Variants in CAPN9 observed in about 807,000 individuals in gnomAD.
CAPN9 encodes calpain 9.
Under a neutral mutation model 92.8 loss-of-function variants are expected in CAPN9, and 81 were observed. The observed-to-expected ratio is 0.87, with a 90% CI of 0.73 to 1.05. The LOEUF (loss-of-function observed/expected upper bound fraction) is 1.05, where lower values mean the gene tolerates loss of function less well. Among genes scored for constraint, CAPN9 ranks in the 50% least tolerant of loss-of-function variants. The pLI, the probability that CAPN9 is intolerant of heterozygous loss-of-function variation, is 0.00. For synonymous variants in CAPN9, 304 were observed against 328.0 expected (o/e 0.93, Z 0.79); for missense variants, 848 against 866.2 (o/e 0.98, Z 0.26).
rs372061598 is a variant in CAPN9, at chr1:230,755,349, A to C, written c.226A>C (p.Asn76His). The change falls in exon 2 of 20, where the codon AAC (asparagine) becomes CAC (histidine). Residue 76 changes from asparagine to histidine, a missense_variant. Coordinates refer to ENST00000271971, the MANE Select transcript of CAPN9 (RefSeq NM_006615.3). ...VWKRPGEIVK[N>H]PEFILGGATR... Reference sequence around the variant, plus strand: ...CTCATTCCTCCAGGAAATCGTGAAAAACCCAGAATTCATTCTTGGAGGGGC... The same window carrying C: ...CTCATTCCTCCAGGAAATCGTGAAACACCCAGAATTCATTCTTGGAGGGGC... 9 of 1,609,986 alleles carry C rather than the reference A, an allele frequency of 5.6e-6. No homozygotes were observed. The highest frequency in any genetic ancestry group is 7.6e-6 in the Non-Finnish European group (9 of 1,178,200).
intron 19 of CAPN9, among the ~76,000 whole-genome samples, chr1:230,800,288 AAGAAAGAAAGAAAG>A (rs1393249434): frequency 1.6e-5 from 2 of 121,918 alleles, no homozygotes; most frequent in African/African-American, 6.1e-5. Flanking sequence ...GAAAGAAAGA[AAGAAAGAAAGAAAG>A]AAAGGAAAAA....
chr1:230,769,131 G>A (rs202246380), intron 5 of CAPN9, 49 bp from the exon 6 acceptor site: 10 of 1,457,960 alleles, frequency 6.9e-6, no homozygotes, highest in African/African-American at 1.4e-5. Flanking sequence ...TCCAGCAGGG[G>A]AGGCTTGACT....
chr1:230,765,889 A>G (rs1665955096), intron 4 of CAPN9, among the ~76,000 whole-genome samples: 1 of 152,112 alleles, frequency 6.6e-6, no homozygotes, highest in Non-Finnish European at 1.5e-5. Flanking sequence ...GATTCCTTCC[A>G]AAGAGTTCAG....
intron 6 of CAPN9, 152 bp downstream of exon 6, chr1:230,769,415 C>T (rs762910005): frequency 1.0e-5 from 6 of 602,526 alleles, no homozygotes; most frequent in African/African-American, 1.9e-5. Flanking sequence ...GAATTCAAAA[C>T]GGCAAGCCAG....
chr1:230,796,316 T>TC (rs1005166538), intron 18 of CAPN9, among the ~76,000 whole-genome samples: 1 of 147,464 alleles, frequency 6.8e-6, no homozygotes, highest in Non-Finnish European at 1.5e-5. Flanking sequence ...AGTGGGAGAC[T>TC]CCATCTCAAA....
intron 11 of CAPN9, among the ~76,000 whole-genome samples, chr1:230,785,268 G>A (rs111654728): frequency 0.07 from 10,626 of 152,226 alleles, 398 homozygotes; most frequent in African/African-American, 0.087. Context: ...TTGAGTTAAT[G>A]CTGGAATGAC....
chr1:230,782,276 A>C (rs746892857), intron 11 of CAPN9, among the ~76,000 whole-genome samples: 1 of 152,188 alleles, frequency 6.6e-6, no homozygotes. Context: ...AAAAATTCAC[A>C]CTGAGCTGTG....
intron 4 of CAPN9, among the ~76,000 whole-genome samples, chr1:230,763,168 A>G (rs1161001803): frequency 3.3e-5 from 5 of 152,180 alleles, no homozygotes; most frequent in African/African-American, 1.2e-4. Flanking sequence ...AGAGACATCA[A>G]TTGTCCGTCC....
intron 19 of CAPN9, among the ~76,000 whole-genome samples, chr1:230,800,310 A>AGAAAG (rs1239697877): frequency 2.6e-5 from 2 of 77,262 alleles, no homozygotes; most frequent in Non-Finnish European, 5.3e-5. Context: ...AAGAAAGGAA[A>AGAAAG]AACAAGAGAG....
intron 4 of CAPN9, among the ~76,000 whole-genome samples, chr1:230,763,767 G>A (rs996287627): frequency 1.3e-5 from 2 of 152,226 alleles, no homozygotes; most frequent in Non-Finnish European, 2.9e-5. Flanking sequence ...AATTAATCCT[G>A]AAATCAGCAG....
chr1:230,795,212 G>A lies in CAPN9; in HGVS notation c.1920G>A (p.Ala640=), dbSNP rs757531674. 40 of 1,613,576 alleles carry A rather than the reference G, an allele frequency of 2.5e-5. No individual in the cohort carries two copies. Among genetic ancestry groups the A allele is most frequent in the East Asian group, 2.0e-4 (9 of 44,892 alleles). Reference sequence around the variant, plus strand: ...TGCAGCTGATTGTGCTCAGGTATGCGGATGAGGAGCTCCAGCTGGACTTCG... The same window carrying A: ...TGCAGCTGATTGTGCTCAGGTATGCAGATGAGGAGCTCCAGCTGGACTTCG... ...HLLQLIVLRY[A]DEELQLDFDD... Residue 640 remains alanine, a synonymous_variant, in exon 18 of 20, where the codon GCG becomes GCA. Transcript: ENST00000271971.
At position 230,790,065 on chromosome 1, in the gene CAPN9, A is replaced by T; in HGVS notation, c.1600-67A>T. The T allele has an allele frequency of 5.0e-6, 7 of 1,409,466 alleles. No individual in the cohort carries two copies. The Admixed American group carries it at 1.0e-4, about 21-fold the overall frequency. 87.3% of individuals were successfully genotyped at this position (1,409,466 alleles called of 1,614,324 possible). ...GCCAAATGAAGCTCAGAACTGATTT[A>T]AAACAAAAATAAACTATAAAAGAAG... On this transcript the variant is annotated intron_variant, in intron 13 of 19. Coordinates refer to ENST00000271971, the MANE Select transcript of CAPN9 (RefSeq NM_006615.3).
chr1:230,786,192 C>A, intron 12 of CAPN9, 175 bp downstream of exon 12: 2 of 984,894 alleles, frequency 2.0e-6, no homozygotes, highest in Non-Finnish European at 2.4e-6. Context: ...CTAGTCTGTG[C>A]TCTTCTAGTC....
At chr1:230,800,144 C>T (rs745624901) in intron 19 of CAPN9, among the ~76,000 whole-genome samples, 6 of 150,772 alleles carry the variant, frequency 4.0e-5, no homozygotes, top group Non-Finnish European at 8.8e-5. Flanking sequence ...TGCCACTGCA[C>T]TCCAGCCTGG....
chr1:230,793,659 T>C (rs3790986), intron 17 of CAPN9, among the ~76,000 whole-genome samples: 72,444 of 152,086 alleles, frequency 0.48, 17,788 homozygotes, highest in South Asian at 0.59. Context: ...AAAGTGGTTC[T>C]CTCCCAGGGA....
At chr1:230,747,842 C>A in intron 1 of CAPN9, 133 bp downstream of exon 1, 1 of 787,350 alleles carries the variant, frequency 1.3e-6, no homozygotes, top group Admixed American at 2.2e-5. Flanking sequence ...CCCAGTCTAC[C>A]GTGGAAAGCT....
At chr1:230,784,385 A>G (rs1184930978) in intron 11 of CAPN9, among the ~76,000 whole-genome samples, 1 of 152,254 alleles carries the variant, frequency 6.6e-6, no homozygotes, top group Non-Finnish European at 1.5e-5. Flanking sequence ...AGACCTTTGC[A>G]GCAGCACCTC....
intron 14 of CAPN9, 22 bp from the exon 15 acceptor site, chr1:230,791,842 C>A: frequency 6.2e-7 from 1 of 1,603,450 alleles, no homozygotes; most frequent in Non-Finnish European, 8.5e-7. Flanking sequence ...CAACTGAATT[C>A]AGCTTTCATG....
At chr1:230,784,030 C>A (rs1292828262) in intron 11 of CAPN9, among the ~76,000 whole-genome samples, 1 of 152,136 alleles carries the variant, frequency 6.6e-6, no homozygotes, top group African/African-American at 2.4e-5. Context: ...CCCTAGGGAT[C>A]TGTGGAAGTT....
Sources: allele counts gnomAD v4.1 joint callset (sites outside exome capture counted in the v4.1 genomes callset), GRCh38; gene constraint gnomAD v4.1.1; transcripts MANE v1.5; gene names NCBI Gene and HGNC (gene_info 2026-07-23, HGNC 2026-07-21).